Variants in UBE2L3 observed in about 807,000 individuals in gnomAD.
UBE2L3 encodes ubiquitin conjugating enzyme E2 L3.
Under a neutral mutation model 17.8 loss-of-function variants are expected in UBE2L3, and 1 was observed. The observed-to-expected ratio is 0.06, with a 90% CI of 0.02 to 0.27. UBE2L3 has a LOEUF of 0.27. Ranked by LOEUF, UBE2L3 falls within the 10% of genes least tolerant of loss-of-function variation. The pLI is 1.00. For synonymous variants in UBE2L3, 44 were observed against 68.5 expected (o/e 0.64, Z 1.76); for missense variants, 40 against 192.6 (o/e 0.21, Z 4.69).
intron 1 of UBE2L3, among the ~76,000 whole-genome samples, chr22:21,580,859 A>G (rs1323214658): frequency 6.6e-6 from 1 of 151,460 alleles, no homozygotes; most frequent in African/African-American, 2.4e-5. Flanking sequence ...TGCCGGGATT[A>G]CAGACATGAG....
intron 1 of UBE2L3, among the ~76,000 whole-genome samples, chr22:21,562,225 C>T (rs1339206995): frequency 4.5e-4 from 66 of 147,858 alleles, no homozygotes; most frequent in African/African-American, 1.6e-3. Flanking sequence ...GACGGAGTCT[C>T]GCTCTGTCAC....
rs1483906491 is a variant in UBE2L3, at chr22:21,622,034, C to T, written c.*365C>T. ...GTTGTGGTTCCCTTTCTTCCCTACC[C>T]TTGCCACTCCCACTTTCTGGCACCG... On this transcript the variant is annotated 3_prime_UTR_variant, in exon 4 of 4. Coordinates refer to ENST00000342192, the MANE Select transcript of UBE2L3 (RefSeq NM_003347.4). The T allele has an allele frequency of 5.0e-5, 10 of 200,736 alleles. No homozygotes were observed. The highest frequency in any genetic ancestry group is 5.0e-5 in the Non-Finnish European group (5 of 99,594). The allele number at this position is 200,736 out of a possible 1,614,324, so 12.4% of individuals were successfully genotyped here. A position where few individuals can be genotyped will look rare whatever the true frequency, so the allele number is the denominator to read the frequency against.
intron 1 of UBE2L3, among the ~76,000 whole-genome samples, chr22:21,552,286 G>T (rs1239449178): frequency 6.7e-6 from 1 of 149,812 alleles, no homozygotes; most frequent in Non-Finnish European, 1.5e-5. Flanking sequence ...TACCTTCCAC[G>T]TTCAAGAGAT....
intron 1 of UBE2L3, among the ~76,000 whole-genome samples, chr22:21,577,279 T>G (rs1413383142): frequency 1.3e-5 from 2 of 152,074 alleles, no homozygotes; most frequent in African/African-American, 4.8e-5. Flanking sequence ...GATTTTTGCA[T>G]TTTTTAGTAG....
Position 21,590,021 on chromosome 22 carries a change from C to G in UBE2L3, c.28-2840C>G, listed in dbSNP as rs1037682524. Reference sequence around the variant, plus strand: ...CCTGGATCTCCTTGATACCAAAGCACCAGTAAGTGTCCTTTCTGCACCCCT... The same window carrying G: ...CCTGGATCTCCTTGATACCAAAGCAGCAGTAAGTGTCCTTTCTGCACCCCT... On this transcript the variant is annotated intron_variant, in intron 1 of 3. Transcript: ENST00000342192. Among the ~76,000 whole-genome samples the G allele has an allele frequency of 5.3e-5, 8 of 152,100 alleles. No individual in the cohort carries two copies. The East Asian group carries it at 1.5e-3, about 29-fold the overall frequency.
intron 2 of UBE2L3, among the ~76,000 whole-genome samples, chr22:21,600,554 G>A (rs1928800641): frequency 6.6e-6 from 1 of 152,012 alleles, no homozygotes; most frequent in African/African-American, 2.4e-5. Context: ...AAATTAGCCG[G>A]GCGTGGTGGC....
At chr22:21,618,067 G>A (rs969750075) in intron 3 of UBE2L3, among the ~76,000 whole-genome samples, 1 of 152,014 alleles carries the variant, frequency 6.6e-6, no homozygotes, top group African/African-American at 2.4e-5. Flanking sequence ...TGTAGTCCCA[G>A]CTACTGGGGA....
intron 1 of UBE2L3, among the ~76,000 whole-genome samples, chr22:21,583,016 G>GCCCCCA (rs1927731306): frequency 6.6e-6 from 1 of 152,150 alleles, no homozygotes; most frequent in Non-Finnish European, 1.5e-5. Context: ...TCTCTGCATA[G>GCCCCCA]GGGTATTAAA....
chr22:21,611,777 C>A (rs189882347), intron 3 of UBE2L3, among the ~76,000 whole-genome samples: 165 of 152,276 alleles, frequency 1.1e-3, no homozygotes, highest in African/African-American at 3.3e-3. Flanking sequence ...TCTAGACTTT[C>A]TTTTGAAGTC....
At chr22:21,567,223 G>A (rs1359150483), upstream of UBE2L3, among the ~76,000 whole-genome samples, 1 of 151,824 alleles carries the variant, frequency 6.6e-6, no homozygotes, top group African/African-American at 2.4e-5. Flanking sequence ...GAGTGTAGTG[G>A]CAAGATCTCG....
intron 1 of UBE2L3, among the ~76,000 whole-genome samples, chr22:21,559,936 C>T (rs1926371478): frequency 6.6e-6 from 1 of 152,288 alleles, no homozygotes; most frequent in Admixed American, 6.5e-5. Flanking sequence ...CTTCCTGGGC[C>T]CTGCAGCCTG....
At chr22:21,563,192 A>C (rs1206112260), upstream of UBE2L3, among the ~76,000 whole-genome samples, 5 of 147,538 alleles carry the variant, frequency 3.4e-5, no homozygotes, top group Non-Finnish European at 7.4e-5. Context: ...CAGTGAGCCG[A>C]GATTGCGCCA....
intron 1 of UBE2L3, among the ~76,000 whole-genome samples, chr22:21,586,092 C>G (rs1378622571): frequency 1.3e-5 from 2 of 151,908 alleles, no homozygotes; most frequent in African/African-American, 4.8e-5. Context: ...TACATCAACA[C>G]ACCTGGCTAA....
At chr22:21,599,629 A>G (rs1484946548) in intron 2 of UBE2L3, among the ~76,000 whole-genome samples, 1 of 152,190 alleles carries the variant, frequency 6.6e-6, no homozygotes, top group Admixed American at 6.5e-5. Flanking sequence ...AGCAGAAACT[A>G]TGAAAAAATA....
chr22:21,586,853 G>T (rs375205982), intron 1 of UBE2L3, among the ~76,000 whole-genome samples: 7 of 148,874 alleles, frequency 4.7e-5, no homozygotes. Flanking sequence ...TGGAATTACA[G>T]GTGTGAGCCA....
chr22:21,612,638 CTTTTCTTTTT>C (rs1929549860), intron 3 of UBE2L3, among the ~76,000 whole-genome samples: 2 of 60,496 alleles, frequency 3.3e-5, no homozygotes, highest in African/African-American at 1.1e-4. Flanking sequence ...TTTTTCTTTT[CTTTTCTTTTT>C]TTTTTTTTTT....
intron 3 of UBE2L3, among the ~76,000 whole-genome samples, chr22:21,619,229 T>TTAAA (rs570306920): frequency 6.6e-6 from 1 of 152,152 alleles, no homozygotes; most frequent in African/African-American, 2.4e-5. Flanking sequence ...GCTTCGTTTA[T>TTAAA]TAAATAAATA....
At chr22:21,604,360 G>A (rs1407824285) in intron 2 of UBE2L3, among the ~76,000 whole-genome samples, 2 of 152,114 alleles carry the variant, frequency 1.3e-5, no homozygotes, top group East Asian at 1.9e-4. Context: ...TTAGCCGGAC[G>A]TGGCAGCCTG....
At chr22:21,614,543 G>A (rs369839166) in intron 3 of UBE2L3, 14 of 1,365,370 alleles carry the variant, frequency 1.0e-5, no homozygotes, top group Non-Finnish European at 1.4e-5. Flanking sequence ...TTTGTCTCCT[G>A]CCCTTGTCCT....
Sources: gnomAD v4.1 joint callset for allele counts (sites outside exome capture counted in the v4.1 genomes callset) on GRCh38, gnomAD v4.1.1 for gene constraint, MANE v1.5 for transcripts, NCBI Gene and HGNC (gene_info 2026-07-23, HGNC 2026-07-21) for gene names.